MYO9A: variants seen among roughly 807,000 people sequenced by gnomAD.
The protein encoded by MYO9A is unconventional myosin-IXa.
Under a neutral mutation model 293.3 loss-of-function variants are expected in MYO9A, and 103 were observed. The observed-to-expected ratio is 0.35, with a 90% CI of 0.30 to 0.41. The LOEUF is 0.41. MYO9A is among the 10% of genes least tolerant of loss of function. The pLI is 1.00. For missense variants in MYO9A, 2,685 were observed against 3,033.0 expected (o/e 0.89, Z 2.69); for synonymous variants, 1,001 against 1,035.7 (o/e 0.97, Z 0.64).
intron 1 of MYO9A, among the ~76,000 whole-genome samples, chr15:72,061,578 T>C (rs528050050): frequency 2.0e-5 from 3 of 151,052 alleles, no homozygotes; most frequent in East Asian, 2.0e-4. Flanking sequence ...GGGGAGGTGG[T>C]AGCCACAGGG....
intron 11 of MYO9A, among the ~76,000 whole-genome samples, chr15:71,981,476 T>C (rs1016934387): frequency 1.3e-4 from 20 of 152,238 alleles, no homozygotes; most frequent in African/African-American, 4.6e-4. Flanking sequence ...AAACAGATTT[T>C]CTATTTCTTC....
intron 34 of MYO9A, chr15:71,858,450 C>T (rs2055959268): frequency 6.6e-6 from 1 of 152,052 alleles, no homozygotes; most frequent in South Asian, 2.1e-4. Flanking sequence ...AGTTCATGTC[C>T]TTTGTAGGGA....
chr15:71,956,329 AAATATATAT>A (rs1464663353), intron 14 of MYO9A, among the ~76,000 whole-genome samples: 1 of 96,780 alleles, frequency 1.0e-5, no homozygotes, highest in African/African-American at 4.1e-5. Flanking sequence ...AAAAAAAAAA[AAATATATAT>A]ATATATATAT....
intron 1 of MYO9A, among the ~76,000 whole-genome samples, chr15:72,069,272 T>C (rs982836305): frequency 8.5e-5 from 13 of 152,182 alleles, no homozygotes; most frequent in Admixed American, 2.0e-4. Flanking sequence ...GAAAGCTTCT[T>C]TGTAGTAGTG....
chr15:72,063,204 G>A (rs1467049124), intron 1 of MYO9A, among the ~76,000 whole-genome samples: 2 of 152,132 alleles, frequency 1.3e-5, no homozygotes, highest in East Asian at 3.9e-4. Flanking sequence ...TATGCAGAAG[G>A]GAGAAACTAG....
chr15:71,890,421 T>C (rs988731033), intron 26 of MYO9A: 1 of 152,182 alleles, frequency 6.6e-6, no homozygotes, highest in Non-Finnish European at 1.5e-5. Context: ...AAAAGTATAA[T>C]GTTTCCTATA....
intron 32 of MYO9A, among the ~76,000 whole-genome samples, chr15:71,867,487 TATC>T (rs2056369323): frequency 6.6e-6 from 1 of 151,790 alleles, no homozygotes; most frequent in Non-Finnish European, 1.5e-5. Flanking sequence ...TTTCAACTTA[TATC>T]ACAGACAAAG....
intron 18 of MYO9A, among the ~76,000 whole-genome samples, chr15:71,928,962 T>G (rs1208706351): frequency 6.6e-6 from 1 of 151,628 alleles, no homozygotes; most frequent in Non-Finnish European, 1.5e-5. Context: ...TCCTAGCTAC[T>G]GAGGAGGCTG....
chr15:71,877,602 C>T (rs779603092), intron 31 of MYO9A, among the ~76,000 whole-genome samples: 18 of 152,036 alleles, frequency 1.2e-4, no homozygotes, highest in Admixed American at 2.0e-4. Flanking sequence ...AAATTACAGG[C>T]GCCTGCCATC....
intron 4 of MYO9A, among the ~76,000 whole-genome samples, chr15:72,023,797 C>G (rs1002347944): frequency 5.9e-5 from 9 of 151,490 alleles, no homozygotes; most frequent in African/African-American, 1.9e-4. Flanking sequence ...AAAACAATTG[C>G]CAAAATCTCT....
intron 19 of MYO9A, among the ~76,000 whole-genome samples, chr15:71,907,047 C>G (rs915641716): frequency 3.4e-5 from 5 of 149,034 alleles, no homozygotes; most frequent in Admixed American, 3.4e-4. Flanking sequence ...CCCCCACTAA[C>G]TCGTCATCTA....
At chr15:72,022,097 G>T (rs1369865836) in intron 4 of MYO9A, among the ~76,000 whole-genome samples, 1 of 152,108 alleles carries the variant, frequency 6.6e-6, no homozygotes, top group Non-Finnish European at 1.5e-5. Flanking sequence ...ACTCAAAAAA[G>T]AATATCAACT....
At chr15:72,015,924 G>A (rs931427952) in intron 6 of MYO9A, among the ~76,000 whole-genome samples, 4 of 151,934 alleles carry the variant, frequency 2.6e-5, no homozygotes, top group Middle Eastern at 3.4e-3. Flanking sequence ...TCCTGACCTC[G>A]TGATCCGCCC....
At chr15:71,978,604 A>G (rs2147845927) in intron 11 of MYO9A, among the ~76,000 whole-genome samples, 1 of 152,272 alleles carries the variant, frequency 6.6e-6, no homozygotes, top group African/African-American at 2.4e-5. Context: ...ACAATGAAGA[A>G]AAAAGGCTAA....
At position 71,945,000 on chromosome 15, in the gene MYO9A, AC is replaced by A. The variant is rs373085750; in HGVS notation, c.2303-6074del. ...CTTCAGTTTCTCCTAGTAGTGCACA[AC>A]TCTTAAACATATTTGTTAAATTTAT... On this transcript the variant is annotated intron_variant, in intron 15 of 41. Transcript: ENST00000356056. 4.3e-4 allele frequency among the ~76,000 whole-genome samples: 65 copies of A among 152,052 alleles called. No homozygotes were observed. In the East Asian group the frequency reaches 0.011, roughly 27 times the overall value.
chr15:71,898,461 T>C lies in MYO9A; in HGVS notation c.4042A>G (p.Ile1348Val). The change falls in exon 25 of 42, where the codon ATT becomes GTT. Residue 1348 changes from isoleucine to valine, a missense_variant. Transcript: ENST00000356056. The stretch of plus-strand genomic sequence containing the variant: ...AACTGCAAGTCTCCTTCATCTGAAA[T>C]GACAGACTCTAGTTTGCTCTTTTGG... The part of the protein sequence containing the change: ...ESQKSKLESV[I>V]SDEGDLQFPS... The C allele has an allele frequency of 1.2e-6, 2 of 1,614,032 alleles. No individual in the cohort carries two copies. The highest frequency in any genetic ancestry group is 1.7e-6 in the Non-Finnish European group (2 of 1,180,010).
intron 34 of MYO9A, 63 bp from the exon 35 acceptor site, chr15:71,854,632 T>C: frequency 7.6e-7 from 1 of 1,322,968 alleles, no homozygotes; most frequent in Non-Finnish European, 1.0e-6. Flanking sequence ...TGTTTAACCA[T>C]TTCTTTACCA....
chr15:72,000,975 GAACA>G (rs1173066803), intron 8 of MYO9A, among the ~76,000 whole-genome samples: 1 of 152,132 alleles, frequency 6.6e-6, no homozygotes, highest in Non-Finnish European at 1.5e-5. Context: ...TTTCTGTGAA[GAACA>G]AACCTAAAAG....
Position 71,880,437 on chromosome 15 carries a change from A to C in MYO9A, c.5520T>G (p.Ile1840Met), listed in dbSNP as rs28483716. 1.9e-6 allele frequency: 3 copies of C among 1,614,084 alleles called. No individual in the cohort carries two copies. Among genetic ancestry groups the C allele is most frequent in the South Asian group, 2.2e-5 (2 of 91,090 alleles). The change falls in exon 29 of 42, where the codon ATT becomes ATG. Residue 1840 changes from isoleucine to methionine, a missense_variant. By Grantham distance (10) the Ile-to-Met change is conservative. This residue lies in a region of MYO9A where 1,434 missense variants were observed against 1,497.7 expected (regional missense o/e 0.96). Transcript: ENST00000356056. The part of the protein sequence containing the change: ...PKAKRKRSVK[I>M]SNVALDSMHW... ...GCATAGAATCCAAAGCCACGTTGCT[A>C]ATCTTCACACTTCGCTTGCGCTTAG...
Sources: gnomAD v4.1 joint callset for allele counts (sites outside exome capture counted in the v4.1 genomes callset) on GRCh38, gnomAD v4.1.1 for gene constraint, gnomAD v4.1.1 regional missense constraint, MANE v1.5 for transcripts, NCBI Gene and HGNC (gene_info 2026-07-23, HGNC 2026-07-21) for gene names.